UBE2E3: variants seen among roughly 807,000 people sequenced by gnomAD.
The protein encoded by UBE2E3 is ubiquitin conjugating enzyme E2 E3.
A neutral mutation model predicts 23.6 loss-of-function variants in UBE2E3; 5 were observed. The observed-to-expected ratio is 0.21, with a 90% confidence interval of 0.11 to 0.44. The LOEUF (loss-of-function observed/expected upper bound fraction) is 0.44, where lower values mean the gene tolerates loss of function less well. UBE2E3 is among the 20% of genes least tolerant of loss of function. UBE2E3 has a pLI of 0.99. For synonymous variants in UBE2E3, 78 were observed against 87.5 expected, an observed-to-expected ratio of 0.89 and a Z score of 0.60; for missense variants, 81 against 249.8, an observed-to-expected ratio of 0.32 and a Z score of 4.55.
At position 181,063,157 on chromosome 2, in the gene UBE2E3, A is replaced by T. The variant is rs1444297921; in HGVS notation, c.*269A>T. 9.3e-6 allele frequency: 2 copies of T among 214,056 alleles called. No homozygotes were observed. Among genetic ancestry groups the T allele is most frequent in the East Asian group, 9.7e-5 (1 of 10,322 alleles). The allele number at this position is 214,056 out of a possible 1,614,324, so 13.3% of individuals were successfully genotyped here. ...ATGTATTTTGTGATGTACTAAGGAT[A>T]CTGGTCCTGAAGTCTACCAAATATT... On this transcript the variant is annotated 3_prime_UTR_variant, in exon 6 of 6. Transcript: ENST00000410062. This position sits in a 1 kb window ranked among gnomAD's most constrained non-coding sequence, Gnocchi z 4.1.
At chr2:181,045,451 C>T (rs1037279467) in intron 3 of UBE2E3, among the ~76,000 whole-genome samples, 1 of 152,304 alleles carries the variant, frequency 6.6e-6, no homozygotes, top group Non-Finnish European at 1.5e-5. Flanking sequence ...GCAATTATGT[C>T]ACATCTGAGG....
intron 3 of UBE2E3, among the ~76,000 whole-genome samples, chr2:180,986,542 A>G (rs1374858272): frequency 1.3e-5 from 2 of 152,126 alleles, no homozygotes; most frequent in African/African-American, 4.8e-5. Context: ...TTAATTGACA[A>G]GTGCGTAAAT....
chr2:180,987,448 A>C, intron 3 of UBE2E3: 2 of 1,530,908 alleles, frequency 1.3e-6, no homozygotes, highest in Non-Finnish European at 1.8e-6. Flanking sequence ...AAGAAGCACA[A>C]ATATACTGAC....
intron 3 of UBE2E3, among the ~76,000 whole-genome samples, chr2:181,022,497 G>T (rs1271185705): frequency 1.3e-5 from 2 of 151,652 alleles, no homozygotes; most frequent in African/African-American, 4.9e-5. Flanking sequence ...CATCTTCTCA[G>T]TGTATATTGT....
Position 181,050,245 on chromosome 2 carries a change from A to T in UBE2E3, c.246-7448A>T, listed in dbSNP as rs141523230. On this transcript the variant is annotated intron_variant, in intron 3 of 5. Coordinates refer to ENST00000410062, the MANE Select transcript of UBE2E3 (RefSeq NM_006357.4). ...AGTTACATACTAGTATAGATTTTTA[A>T]TGCAAATGGCCATATTTGTTTTGAA... Among the ~76,000 whole-genome samples the T allele has an allele frequency of 1.9e-4, 29 of 152,084 alleles. No individual in the cohort carries two copies. In the East Asian group the frequency reaches 5.4e-3, roughly 28 times the overall value.
intron 3 of UBE2E3, among the ~76,000 whole-genome samples, chr2:181,035,855 G>C (rs1321536521): frequency 6.6e-6 from 1 of 152,128 alleles, no homozygotes; most frequent in Non-Finnish European, 1.5e-5. Flanking sequence ...GGTAATATAA[G>C]CTGATGATGA....
intron 3 of UBE2E3, among the ~76,000 whole-genome samples, chr2:180,985,092 C>A (rs1015067047): frequency 6.6e-6 from 1 of 152,084 alleles, no homozygotes; most frequent in Non-Finnish European, 1.5e-5. Flanking sequence ...AGGGTATAAT[C>A]CAGTTGCTTC....
chr2:180,989,590 G>A (rs1684593114), intron 3 of UBE2E3, among the ~76,000 whole-genome samples: 1 of 152,094 alleles, frequency 6.6e-6, no homozygotes, highest in African/African-American at 2.4e-5. Context: ...TGCCAGTGTA[G>A]CAGAAATACT....
At chr2:181,013,513 C>T (rs1685394804) in intron 3 of UBE2E3, among the ~76,000 whole-genome samples, 2 of 146,874 alleles carry the variant, frequency 1.4e-5, no homozygotes, top group African/African-American at 4.9e-5. Context: ...GACTTGTTGG[C>T]CTACCTGTAG....
intron 3 of UBE2E3, among the ~76,000 whole-genome samples, chr2:180,987,730 T>C (rs1684525666): frequency 6.6e-6 from 1 of 152,164 alleles, no homozygotes; most frequent in African/African-American, 2.4e-5. Context: ...CTCATTAGCC[T>C]AATTGTCTGA....
At chr2:181,027,436 A>G (rs1427826281) in intron 3 of UBE2E3, among the ~76,000 whole-genome samples, 2 of 152,012 alleles carry the variant, frequency 1.3e-5, no homozygotes, top group Admixed American at 6.6e-5. Flanking sequence ...AATTTGAAAT[A>G]GGAACTATTT....
chr2:181,062,190 C>T (rs1687176769), intron 5 of UBE2E3, among the ~76,000 whole-genome samples: 1 of 151,416 alleles, frequency 6.6e-6, no homozygotes, highest in South Asian at 2.1e-4. Flanking sequence ...TTTTTACTGG[C>T]TATGGTTTGG....
Position 180,982,024 on chromosome 2 carries a change from A to G in UBE2E3, c.-19A>G, listed in dbSNP as rs1684311417. 1 of 1,594,366 alleles carries G rather than the reference A, an allele frequency of 6.3e-7. No individual in the cohort carries two copies. On this transcript the variant is annotated 5_prime_UTR_variant, in exon 2 of 6. Coordinates refer to ENST00000410062, the MANE Select transcript of UBE2E3 (RefSeq NM_006357.4). ...CCCCTGTTCTCTTTAAAAGTTTTCCAAGAGATAACTTCACCAAGATGTCCA... is the reference window on the plus strand; with the variant it reads ...CCCCTGTTCTCTTTAAAAGTTTTCCGAGAGATAACTTCACCAAGATGTCCA...
intron 3 of UBE2E3, among the ~76,000 whole-genome samples, chr2:181,040,666 A>C (rs1192202255): frequency 6.6e-6 from 1 of 152,236 alleles, no homozygotes; most frequent in African/African-American, 2.4e-5. Context: ...TAGAGGTTTC[A>C]GATGGATCAT....
intron 3 of UBE2E3, among the ~76,000 whole-genome samples, chr2:181,038,404 A>G (rs1004699319): frequency 1.8e-4 from 28 of 152,324 alleles, no homozygotes; most frequent in Middle Eastern, 3.4e-3. Flanking sequence ...AAATCCCCGA[A>G]TGACACATTT....
chr2:180,995,488 C>G (rs1284971488), intron 3 of UBE2E3, among the ~76,000 whole-genome samples: 1 of 152,050 alleles, frequency 6.6e-6, no homozygotes, highest in Non-Finnish European at 1.5e-5. Context: ...GGCTTCAGGT[C>G]AAGAATAGGC....
At chr2:180,986,547 G>A (rs776437665) in intron 3 of UBE2E3, among the ~76,000 whole-genome samples, 13 of 151,976 alleles carry the variant, frequency 8.6e-5, no homozygotes, top group Non-Finnish European at 1.3e-4. Context: ...TGACAAGTGC[G>A]TAAATGAGAA....
intron 3 of UBE2E3, chr2:180,990,122 C>A: frequency 6.6e-6 from 6 of 904,136 alleles, no homozygotes; most frequent in Non-Finnish European, 9.5e-6. Context: ...CTTTCTTTTG[C>A]CTTTTGATCA....
At chr2:181,041,376 G>A (rs1686499227) in intron 3 of UBE2E3, among the ~76,000 whole-genome samples, 1 of 151,504 alleles carries the variant, frequency 6.6e-6, no homozygotes, top group African/African-American at 2.4e-5. Context: ...TTATATAGAT[G>A]TCAGTATAGA....
Sources: allele counts gnomAD v4.1 joint callset (sites outside exome capture counted in the v4.1 genomes callset), GRCh38; gene constraint gnomAD v4.1.1; non-coding constraint Gnocchi (gnomAD v3.1); transcripts MANE v1.5; gene names NCBI Gene and HGNC (gene_info 2026-07-23, HGNC 2026-07-21).